The following MEIOB variants were observed in gnomAD, a reference collection of about 807,000 sequenced individuals.
The protein encoded by MEIOB is meiosis-specific with OB domain-containing protein.
Under a neutral mutation model 53.1 loss-of-function variants are expected in MEIOB, and 50 were observed. That is an observed-to-expected ratio of 0.94 (90% confidence interval 0.75 to 1.19). MEIOB has a LOEUF of 1.19. Among genes scored for constraint, MEIOB ranks in the 50% most tolerant of loss-of-function variants. The pLI, the probability that MEIOB is intolerant of heterozygous loss-of-function variation, is 0.00. For missense variants in MEIOB, 551 were observed against 550.8 expected (o/e 1.00, Z 0.00); for synonymous variants, 192 against 182.5 (o/e 1.05, Z -0.42).
In MEIOB at chr16:1,834,343, C is replaced by T; in HGVS notation, c.1329G>A (p.Arg443=). ...YLKFVLSHRA[R]SGLKISVLSC... is the part of the protein sequence containing the mutation. ...AGAGTACACTAATTTTCAATCCACT[C>T]CTTGCTCTGTGTGATAGAACGAACT... The change falls in exon 14 of 14, where the codon AGG becomes AGA. Residue 443 remains arginine, a synonymous_variant. Transcript: ENST00000325962. The T allele has an allele frequency of 3.1e-6, 5 of 1,610,166 alleles. No individual in the cohort carries two copies. The highest frequency in any genetic ancestry group is 4.2e-6 in the Non-Finnish European group (5 of 1,176,826).
Position 1,868,193 on chromosome 16 carries a change from T to C in MEIOB, c.-9-9A>G. On this transcript the variant is annotated splice_polypyrimidine_tract_variant and intron_variant, in intron 1 of 13. Coordinates refer to ENST00000325962, the MANE Select transcript of MEIOB (RefSeq NM_001163560.3). Reference sequence around the variant, plus strand: ...TTTGCCATTTTTTTAATCTGCATTTTAGAAAATATAATTTAGATATATAAA... The same window carrying C: ...TTTGCCATTTTTTTAATCTGCATTTCAGAAAATATAATTTAGATATATAAA... 2 of 1,392,982 alleles carry C rather than the reference T, an allele frequency of 1.4e-6. No individual in the cohort carries two copies. The highest frequency in any genetic ancestry group is 2.0e-6 in the Non-Finnish European group (2 of 1,009,872). 86.3% of individuals were successfully genotyped at this position (1,392,982 alleles called of 1,614,324 possible).
chr16:1,834,390 G>C, intron 13 of MEIOB, 24 bp from the exon 14 acceptor site: 1 of 1,282,346 alleles, frequency 7.8e-7, no homozygotes, highest in African/African-American at 1.5e-5. Context: ...CAGAAAAAGA[G>C]ACAAAAGGTT....
At chr16:1,835,287 T>G (rs12325082) in intron 13 of MEIOB, among the ~76,000 whole-genome samples, 26,905 of 151,412 alleles carry the variant, frequency 0.18, 2,545 homozygotes, top group South Asian at 0.27. Context: ...GTATAACATA[T>G]GAAAAAGGGC....
At chr16:1,840,854 T>C (rs1358174977) in intron 11 of MEIOB, among the ~76,000 whole-genome samples, 1 of 151,338 alleles carries the variant, frequency 6.6e-6, no homozygotes, top group East Asian at 2.0e-4. Context: ...CCAGCCCTCT[T>C]ATTATTTCTT....
chr16:1,857,412 C>T (rs902378983), intron 6 of MEIOB, among the ~76,000 whole-genome samples: 1 of 152,184 alleles, frequency 6.6e-6, no homozygotes, highest in African/African-American at 2.4e-5. Flanking sequence ...TGGAGATTTT[C>T]GAGTCAATAA....
At chr16:1,852,549 C>T (rs1443376977) in intron 9 of MEIOB, among the ~76,000 whole-genome samples, 2 of 151,468 alleles carry the variant, frequency 1.3e-5, no homozygotes, top group African/African-American at 4.9e-5. Flanking sequence ...GTGTGAGCCA[C>T]CGCGCCAGCC....
rs1898675615 is a variant in MEIOB, at chr16:1,834,148, C to T, written c.*108G>A. The T allele has an allele frequency of 1.5e-6, 1 of 650,796 alleles. No individual in the cohort carries two copies. Among genetic ancestry groups the T allele is most frequent in the East Asian group, 2.8e-5 (1 of 35,170 alleles). 40.3% of individuals were successfully genotyped at this position (650,796 alleles called of 1,614,324 possible). On this transcript the variant is annotated 3_prime_UTR_variant, in exon 14 of 14. Coordinates refer to ENST00000325962, the MANE Select transcript of MEIOB (RefSeq NM_001163560.3). ...ATAACAATTTCTAGAAACATGTTCA[C>T]CACATGTAAACAAAATGCAATTTTC...
At chr16:1,865,253 G>A (rs887042321) in intron 3 of MEIOB, among the ~76,000 whole-genome samples, 11 of 152,114 alleles carry the variant, frequency 7.2e-5, no homozygotes, top group African/African-American at 2.7e-4. Context: ...CCAAAATGGT[G>A]AAACCCCATC....
At chr16:1,843,660 T>C (rs1186046915) in intron 10 of MEIOB, 1 of 150,362 alleles carries the variant, frequency 6.7e-6, no homozygotes, top group African/African-American at 2.5e-5. Context: ...ATCGCGGCTT[T>C]GCATCCCAGC....
At chr16:1,866,802 T>G (rs1899605499) in intron 2 of MEIOB, among the ~76,000 whole-genome samples, 1 of 152,234 alleles carries the variant, frequency 6.6e-6, no homozygotes, top group South Asian at 2.1e-4. Context: ...CTTATTTTGC[T>G]AATTGCAGCA....
At chr16:1,867,539 G>A (rs429016) in intron 2 of MEIOB, among the ~76,000 whole-genome samples, 119,037 of 142,038 alleles carry the variant, frequency 0.84, 50,039 homozygotes, top group Middle Eastern at 0.91. Flanking sequence ...GCAATGGTGC[G>A]ATCTCGGCTC....
intron 6 of MEIOB, among the ~76,000 whole-genome samples, chr16:1,854,685 T>C (rs1328744367): frequency 6.6e-6 from 1 of 152,016 alleles, no homozygotes; most frequent in African/African-American, 2.4e-5. Flanking sequence ...CAAACAAATA[T>C]AGGATATGTC....
At chr16:1,866,694 C>A (rs1406593906) in intron 2 of MEIOB, among the ~76,000 whole-genome samples, 2 of 151,718 alleles carry the variant, frequency 1.3e-5, no homozygotes, top group African/African-American at 4.8e-5. Flanking sequence ...GCACTTCAGC[C>A]TGGGCAACAG....
intron 9 of MEIOB, among the ~76,000 whole-genome samples, chr16:1,849,285 G>A (rs57556050): frequency 3.5e-4 from 53 of 152,154 alleles, no homozygotes; most frequent in African/African-American, 1.3e-3. Flanking sequence ...GGGCGCGGTG[G>A]CTCACACTTG....
At position 1,834,360 on chromosome 16, in the gene MEIOB, G is replaced by C. The variant is rs1369621649; in HGVS notation, c.1312C>G (p.Leu438Val). The change falls in exon 14 of 14, where the codon CTA becomes GTA. Residue 438 changes from leucine to valine, a missense_variant. Transcript: ENST00000325962. ...ERSKIYLKFV[L>V]SHRARSGLKI... is the part of the protein sequence containing the mutation. ...AATCCACTCCTTGCTCTGTGTGATAGAACGAACTGCGAGGAGAAACAGAAA... is the reference window on the plus strand; with the variant it reads ...AATCCACTCCTTGCTCTGTGTGATACAACGAACTGCGAGGAGAAACAGAAA... The C allele has an allele frequency of 1.3e-6, 2 of 1,573,158 alleles. No individual in the cohort carries two copies. Among genetic ancestry groups the C allele is most frequent in the Admixed American group, 3.4e-5 (2 of 58,234 alleles).
At chr16:1,863,332 C>T (rs1256027674) in intron 3 of MEIOB, among the ~76,000 whole-genome samples, 1 of 150,388 alleles carries the variant, frequency 6.6e-6, no homozygotes, top group African/African-American at 2.5e-5. Flanking sequence ...CAGACGCACA[C>T]CACCATGCCA....
chr16:1,859,726 T>C (rs388627), intron 5 of MEIOB, among the ~76,000 whole-genome samples: 131,916 of 151,798 alleles, frequency 0.87, 57,745 homozygotes, highest in African/African-American at 0.97. Context: ...GTGTAAATGC[T>C]GTAGACTGCT....
At chr16:1,855,692 C>T (rs1899282385) in intron 6 of MEIOB, among the ~76,000 whole-genome samples, 1 of 152,170 alleles carries the variant, frequency 6.6e-6, no homozygotes, top group Admixed American at 6.5e-5. Flanking sequence ...CTCCTTTGAA[C>T]AACTGAATAG....
chr16:1,864,486 T>TA (rs35584259), intron 3 of MEIOB, among the ~76,000 whole-genome samples: 1 of 114,592 alleles, frequency 8.7e-6, no homozygotes, highest in Non-Finnish European at 2.0e-5. Context: ...CTTTTTCTTT[T>TA]CTTTTTTTTT....
Sources: allele counts gnomAD v4.1 joint callset (sites outside exome capture counted in the v4.1 genomes callset), GRCh38; gene constraint gnomAD v4.1.1; transcripts MANE v1.5; gene names NCBI Gene and HGNC (gene_info 2026-07-23, HGNC 2026-07-21).